Variants in C13orf46 observed in about 807,000 individuals in gnomAD.
C13orf46 encodes chromosome 13 open reading frame 46.
downstream of C13orf46, among the ~76,000 whole-genome samples, chr13:113,949,851 C>T (rs2052482070): frequency 7.1e-6 from 1 of 140,734 alleles, no homozygotes; most frequent in African/African-American, 2.5e-5. Flanking sequence ...AGAGTGGGGT[C>T]ATCATTCTTG....
At chr13:113,945,030 C>T in the C13orf46 span, among the ~76,000 whole-genome samples, 2 of 118,588 alleles carry the variant, frequency 1.7e-5, no homozygotes, top group Non-Finnish European at 3.5e-5. Flanking sequence ...GATGGATCCT[C>T]CAGGTGTGAC....
intron 6 of C13orf46, among the ~76,000 whole-genome samples, chr13:113,958,108 G>C (rs2052556768): frequency 6.8e-6 from 1 of 147,432 alleles, no homozygotes; most frequent in African/African-American, 2.5e-5. Context: ...CAAGCACACT[G>C]GGGGTCTCCC....
At chr13:113,945,928 G>C in the C13orf46 span, among the ~76,000 whole-genome samples, 1 of 152,194 alleles carries the variant, frequency 6.6e-6, no homozygotes, top group African/African-American at 2.4e-5. Context: ...AGAGTCCAGT[G>C]CTCTGTGGGC....
intron 6 of C13orf46, among the ~76,000 whole-genome samples, chr13:113,964,197 C>T (rs965570718): frequency 6.6e-6 from 1 of 152,290 alleles, no homozygotes; most frequent in East Asian, 1.9e-4. Context: ...TTAAAAAAAT[C>T]TGTAAGAAAT....
At chr13:113,972,117 C>G (rs373071183) in intron 1 of C13orf46, among the ~76,000 whole-genome samples, 34 of 152,306 alleles carry the variant, frequency 2.2e-4, no homozygotes, top group African/African-American at 6.7e-4. Context: ...CAATGGGGCT[C>G]AATCCCTCCC....
chr13:113,935,086 ACGT>A, the C13orf46 span, among the ~76,000 whole-genome samples: 1 of 152,132 alleles, frequency 6.6e-6, no homozygotes, highest in Non-Finnish European at 1.5e-5. Flanking sequence ...TTTGCTTCCG[ACGT>A]TACAAGCCAC....
At chr13:113,936,203 GC>G in the C13orf46 span, among the ~76,000 whole-genome samples, 5 of 152,318 alleles carry the variant, frequency 3.3e-5, no homozygotes, top group Admixed American at 2.6e-4. Context: ...GTAACTGCCA[GC>G]GGCTTCTTCC....
chr13:113,938,191 A>G, the C13orf46 span, among the ~76,000 whole-genome samples: 3 of 152,316 alleles, frequency 2.0e-5, no homozygotes, highest in Non-Finnish European at 2.9e-5. Context: ...CCCAATAATT[A>G]AAAGGACTTG....
the C13orf46 span, among the ~76,000 whole-genome samples, chr13:113,939,432 A>G: frequency 6.6e-6 from 1 of 150,932 alleles, no homozygotes; most frequent in South Asian, 2.1e-4. Context: ...CCAACGGGGA[A>G]CACGGGGATC....
Position 113,954,895 on chromosome 13 carries a change from G to A in C13orf46, c.*1878C>T, listed in dbSNP as rs2052509218. ...AGGAGGAGCATCTGGCAGAGACGAG[G>A]AGCATCTGGCGGAGACGAGGAGGAG... On this transcript the variant is annotated 3_prime_UTR_variant, in exon 7 of 7. Coordinates refer to ENST00000636427, the MANE Select transcript of C13orf46 (RefSeq NM_001365455.2). The A allele has an allele frequency of 5.3e-6, 1 of 189,374 alleles. No homozygotes were observed. The highest frequency in any genetic ancestry group is 1.1e-5 in the Non-Finnish European group (1 of 91,912). The allele number at this position is 189,374 out of a possible 1,614,324, so 11.7% of individuals were successfully genotyped here. A position where few individuals can be genotyped will look rare whatever the true frequency, so the allele number is the denominator to read the frequency against.
At position 113,966,368 on chromosome 13, in the gene C13orf46, A is replaced by G. The variant is rs921615378; in HGVS notation, c.504+973T>C. ...GATAATGACGGTGATGATATTAATGATGGTGATGATGATGATGGTGATGGT... is the reference window on the plus strand; with the variant it reads ...GATAATGACGGTGATGATATTAATGGTGGTGATGATGATGATGGTGATGGT... On this transcript the variant is annotated intron_variant, in intron 5 of 6. Coordinates refer to ENST00000636427, the MANE Select transcript of C13orf46 (RefSeq NM_001365455.2). Among the ~76,000 whole-genome samples, 835 of 147,008 alleles carry G rather than the reference A, an allele frequency of 5.7e-3. 8 individuals are homozygous for G. Among genetic ancestry groups the G allele is most frequent in the African/African-American group, 0.019 (767 of 40,426 alleles).
downstream of C13orf46, among the ~76,000 whole-genome samples, chr13:113,952,957 C>T (rs1566412216): frequency 6.6e-6 from 1 of 152,144 alleles, no homozygotes; most frequent in African/African-American, 2.4e-5. Context: ...GGCTCTGCGG[C>T]GCGTAGACCT....
downstream of C13orf46, among the ~76,000 whole-genome samples, chr13:113,950,839 T>G (rs1335430076): frequency 3.9e-5 from 6 of 152,164 alleles, no homozygotes; most frequent in Non-Finnish European, 8.8e-5. Context: ...TGGTGAACCT[T>G]GCACCCACCA....
At chr13:113,935,615 C>A in the C13orf46 span, among the ~76,000 whole-genome samples, 3 of 152,228 alleles carry the variant, frequency 2.0e-5, no homozygotes, top group East Asian at 5.8e-4. Context: ...CTTGACATCT[C>A]CCTGGAAGGG....
intron 6 of C13orf46, among the ~76,000 whole-genome samples, chr13:113,958,238 TTCA>T (rs2052558389): frequency 6.6e-6 from 1 of 151,776 alleles, no homozygotes; most frequent in Non-Finnish European, 1.5e-5. Flanking sequence ...TGCACCCCCT[TTCA>T]TCAAGTGCAC....
chr13:113,949,772 C>A (rs2052481836), downstream of C13orf46, among the ~76,000 whole-genome samples: 1 of 152,120 alleles, frequency 6.6e-6, no homozygotes. Flanking sequence ...GTGGGGTCAT[C>A]ACTCATGTCT....
rs1417788762 is a variant in C13orf46, at chr13:113,955,940, C to G, written c.*833G>C. 0.11 allele frequency: 15,042 copies of G among 138,354 alleles called. 1,157 individuals are homozygous for G. Among genetic ancestry groups the G allele is most frequent in the Middle Eastern group, 0.18 (39 of 216 alleles). The allele number at this position is 138,354 out of a possible 1,614,324, so 8.6% of individuals were successfully genotyped here. ...AGGAGCATCTCGCGGAGACGAGGAG[C>G]ATCTGGCGGAGACGAGGAGGAGCAT... On this transcript the variant is annotated 3_prime_UTR_variant, in exon 7 of 7. Coordinates refer to ENST00000636427, the MANE Select transcript of C13orf46 (RefSeq NM_001365455.2).
chr13:113,952,683 G>C (rs1383941094), downstream of C13orf46, among the ~76,000 whole-genome samples: 1 of 152,226 alleles, frequency 6.6e-6, no homozygotes, highest in Non-Finnish European at 1.5e-5. Context: ...GCCAAGGGCA[G>C]CGTCCTTCTA....
chr13:113,964,297 T>C (rs2052616203), intron 6 of C13orf46, among the ~76,000 whole-genome samples: 1 of 152,244 alleles, frequency 6.6e-6, no homozygotes, highest in Non-Finnish European at 1.5e-5. Flanking sequence ...TAAAACACTA[T>C]AGATCCATGG....
Sources: allele counts gnomAD v4.1 joint callset (sites outside exome capture counted in the v4.1 genomes callset), GRCh38; gene constraint gnomAD v4.1.1; transcripts MANE v1.5; gene names NCBI Gene and HGNC (gene_info 2026-07-23, HGNC 2026-07-21).